The following ANKRD30A variants were observed in gnomAD, a reference collection of about 807,000 sequenced individuals.
ANKRD30A encodes the protein ankyrin repeat domain-containing protein 30A.
A neutral mutation model predicts 166.3 loss-of-function variants in ANKRD30A; 170 were observed. The ratio of observed to expected loss-of-function variants is 1.02; its 90% CI spans 0.90 to 1.16. The LOEUF is 1.16. Among genes scored for constraint, ANKRD30A ranks in the 50% most tolerant of loss-of-function variants. ANKRD30A has a pLI of 0.00. For missense variants in ANKRD30A, 1,630 were observed against 1,518.0 expected (o/e 1.07, Z -1.23); for synonymous variants, 564 against 508.9 (o/e 1.11, Z -1.46).
At chr10:37,161,584 T>A (rs1273012614) in intron 15 of ANKRD30A, among the ~76,000 whole-genome samples, 1 of 152,150 alleles carries the variant, frequency 6.6e-6, no homozygotes, top group African/African-American at 2.4e-5. Context: ...CTCACTTCAG[T>A]TGCATTTAGA....
At chr10:37,164,863 G>T (rs537087103) in intron 17 of ANKRD30A, among the ~76,000 whole-genome samples, 1 of 152,010 alleles carries the variant, frequency 6.6e-6, no homozygotes, top group South Asian at 2.1e-4. Flanking sequence ...ATACAAGTTA[G>T]TCAAATTTCT....
At chr10:37,233,069 A>G (rs1428465267), downstream of ANKRD30A, among the ~76,000 whole-genome samples, 10 of 151,978 alleles carry the variant, frequency 6.6e-5, no homozygotes, top group Admixed American at 5.9e-4. Flanking sequence ...GCAGAGAAAA[A>G]TAGTGTATGC....
At chr10:37,194,647 T>C (rs1456660183) in intron 27 of ANKRD30A, among the ~76,000 whole-genome samples, 1 of 152,092 alleles carries the variant, frequency 6.6e-6, no homozygotes, top group Non-Finnish European at 1.5e-5. Flanking sequence ...GCCCGGCCGA[T>C]GTCTGAAATT....
intron 25 of ANKRD30A, among the ~76,000 whole-genome samples, chr10:37,191,789 A>G (rs1446728506): frequency 4.0e-5 from 6 of 151,866 alleles, no homozygotes; most frequent in South Asian, 2.1e-4. Context: ...AGGTCAGGAG[A>G]TCCAGACCAT....
intron 31 of ANKRD30A, among the ~76,000 whole-genome samples, chr10:37,203,417 CT>C (rs1841783164): frequency 6.6e-6 from 1 of 152,140 alleles, no homozygotes; most frequent in African/African-American, 2.4e-5. Context: ...CAGAAAAGGC[CT>C]TTGACAAAAT....
intron 6 of ANKRD30A, among the ~76,000 whole-genome samples, chr10:37,138,822 A>G (rs1836901512): frequency 6.6e-6 from 1 of 152,192 alleles, no homozygotes; most frequent in Non-Finnish European, 1.5e-5. Flanking sequence ...TATCCAGGAG[A>G]ACTTCCCCAA....
rs756264654 is a variant in ANKRD30A, at chr10:37,216,328, CA to C, written c.3021del (p.Glu1008LysfsTer2). 6 of 1,608,146 alleles carry C rather than the reference CA, an allele frequency of 3.7e-6. No individual in the cohort carries two copies. Among genetic ancestry groups the C allele is most frequent in the Middle Eastern group, 1.7e-4 (1 of 6,018 alleles). On this transcript the variant is annotated frameshift_variant, in exon 32 of 36. Coordinates refer to ENST00000361713, the MANE Select transcript of ANKRD30A (RefSeq NM_052997.3). LOFTEE classifies it high-confidence loss of function. Reference sequence around the variant, plus strand: ...GTACTGAAAAAGAAACTGTCAGAAGCAAAAGAAATAAAATCACAGTTAGAGA... The same window carrying C: ...GTACTGAAAAAGAAACTGTCAGAAGCAAAGAAATAAAATCACAGTTAGAGA... ...FCVLKKKLSEAKEIKSQLENQ... is the reference protein window; with the variant it reads ...FCVLKKKLSEXKEIKSQLENQ...
chr10:37,194,058 T>C (rs1840841739), intron 27 of ANKRD30A, among the ~76,000 whole-genome samples: 1 of 151,994 alleles, frequency 6.6e-6, no homozygotes, highest in South Asian at 2.1e-4. Context: ...TAGCCGGTTG[T>C]GGTGGTGGGT....
rs17590127 is a variant in ANKRD30A at position 37,152,105 on chromosome 10, A to G, written c.1691A>G (p.Asn564Ser). 7 of 1,608,526 alleles carry G rather than the reference A, an allele frequency of 4.4e-6. No individual in the cohort carries two copies. In the South Asian group the frequency reaches 5.5e-5, roughly 13 times the overall value. ...TCCAAACAAAAGGACTATGAAGAAAATTCTTGGGATTCTGAGGTACTATGT... is the reference window on the plus strand; with the variant it reads ...TCCAAACAAAAGGACTATGAAGAAAGTTCTTGGGATTCTGAGGTACTATGT... ...PESKQKDYEE[N>S]SWDSESLCET... Residue 564 changes from asparagine (N) to serine (S), a missense_variant, in exon 12 of 36, where the codon AAT becomes AGT. This residue lies in a region of ANKRD30A where 904 missense variants were observed against 818.5 expected (regional missense o/e 1.10). Transcript: ENST00000361713.
chr10:37,198,661 C>T (rs543536023), intron 29 of ANKRD30A, among the ~76,000 whole-genome samples: 41 of 152,042 alleles, frequency 2.7e-4, no homozygotes, highest in African/African-American at 9.2e-4. Flanking sequence ...TGAGTGAAAA[C>T]GGTGGCTTAC....
At chr10:37,246,033 T>G in the ANKRD30A span, among the ~76,000 whole-genome samples, 1 of 152,178 alleles carries the variant, frequency 6.6e-6, no homozygotes, top group Non-Finnish European at 1.5e-5. Flanking sequence ...AGCCAAACAC[T>G]AACTGATTTT....
In ANKRD30A at chr10:37,178,450, C is replaced by T. The variant is rs1839905061; in HGVS notation, c.2421+2232C>T. On this transcript the variant is annotated intron_variant, in intron 24 of 35. Coordinates refer to ENST00000361713, the MANE Select transcript of ANKRD30A (RefSeq NM_052997.3). ...GAGATTCAGCCGACCTGGGATTCTGCATTTTTAAAAAGTTCTCAGGTGATG... is the reference window on the plus strand; with the variant it reads ...GAGATTCAGCCGACCTGGGATTCTGTATTTTTAAAAAGTTCTCAGGTGATG... 4.8e-6 allele frequency: 4 copies of T among 841,446 alleles called. No homozygotes were observed. The South Asian group carries it at 2.1e-4, about 44-fold the overall frequency. 52.1% of individuals were successfully genotyped at this position (841,446 alleles called of 1,614,324 possible). A position where few individuals can be genotyped will look rare whatever the true frequency, so the allele number is the denominator to read the frequency against.
chr10:37,152,099 A>T lies in ANKRD30A; in HGVS notation c.1685A>T (p.Glu562Val). 6.2e-7 allele frequency: 1 copy of T among 1,609,658 alleles called. No individual in the cohort carries two copies. ...CCAGAATCCAAACAAAAGGACTATG[A>T]AGAAAATTCTTGGGATTCTGAGGTA... ...FPPESKQKDY[E>V]ENSWDSESLC... The change falls in exon 12 of 36, where the codon GAA becomes GTA. Residue 562 changes from glutamate to valine, a missense_variant. By Grantham distance (121) the Glu-to-Val change is moderately radical. Around this residue, in one of 4 missense-constraint regions of ANKRD30A, gnomAD observed 904 missense variants for 818.5 expected, o/e 1.10. Transcript: ENST00000361713.
At position 37,130,385 on chromosome 10, in the gene ANKRD30A, A is replaced by G. The variant is rs1455134882; in HGVS notation, c.510+7A>G. 9 of 1,436,486 alleles carry G rather than the reference A, an allele frequency of 6.3e-6. No individual in the cohort carries two copies. The highest frequency in any genetic ancestry group is 2.7e-5 in the East Asian group (1 of 37,330). The allele number at this position is 1,436,486 out of a possible 1,614,324, so 89.0% of individuals were successfully genotyped here. On this transcript the variant is annotated splice_region_variant and intron_variant, in intron 3 of 35. Transcript: ENST00000361713. ...CATCGAAGTGCACAACAAGGTAGACACTAACCAATGTTATTTTCAAAATAT... is the reference window on the plus strand; with the variant it reads ...CATCGAAGTGCACAACAAGGTAGACGCTAACCAATGTTATTTTCAAAATAT...
chr10:37,217,406 C>A (rs2132737165), intron 32 of ANKRD30A, among the ~76,000 whole-genome samples: 1 of 150,966 alleles, frequency 6.6e-6, no homozygotes, highest in East Asian at 1.9e-4. Flanking sequence ...AAATAATTTT[C>A]AACTTATAAA....
At chr10:37,205,048 T>G (rs186859983) in intron 31 of ANKRD30A, among the ~76,000 whole-genome samples, 40 of 152,310 alleles carry the variant, frequency 2.6e-4, no homozygotes, top group African/African-American at 8.9e-4. Flanking sequence ...TGGTGATTCC[T>G]GAAGGATCTA....
intron 21 of ANKRD30A, among the ~76,000 whole-genome samples, chr10:37,171,444 A>C (rs1331953271): frequency 1.3e-5 from 2 of 150,522 alleles, no homozygotes; most frequent in East Asian, 3.9e-4. Flanking sequence ...CTCATTAACC[A>C]TGAAAATTAT....
chr10:37,265,227 G>A, the ANKRD30A span, among the ~76,000 whole-genome samples: 4 of 151,890 alleles, frequency 2.6e-5, no homozygotes, highest in African/African-American at 9.7e-5. Context: ...GCCATCAACC[G>A]TGATGAACTG....
chr10:37,219,812 AAG>A lies in ANKRD30A; in HGVS notation c.4104_4105del (p.Asn1370Ter). On this transcript the variant is annotated frameshift_variant, in exon 34 of 36. Coordinates refer to ENST00000361713, the MANE Select transcript of ANKRD30A (RefSeq NM_052997.3). LOFTEE classifies it high-confidence loss of function. ...AGGAAAATGCAACATCATCTCCTAA[AAG>A]AGAAAAATGAGGAGATATTTAATTA... The A allele has an allele frequency of 6.2e-7, 1 of 1,602,902 alleles. No homozygotes were observed. The highest frequency in any genetic ancestry group is 8.5e-7 in the Non-Finnish European group (1 of 1,173,526).
Sources: allele counts gnomAD v4.1 joint callset (sites outside exome capture counted in the v4.1 genomes callset), GRCh38; gene constraint gnomAD v4.1.1; regional missense constraint gnomAD v4.1.1; transcripts MANE v1.5; gene names NCBI Gene and HGNC (gene_info 2026-07-23, HGNC 2026-07-21).